DAZL: variants seen among roughly 807,000 people sequenced by gnomAD.
The protein encoded by DAZL is deleted in azoospermia like.
DAZL carries 4 observed loss-of-function variants against 45.0 expected under a neutral mutation model. The observed-to-expected ratio is 0.09, with a 90% confidence interval of 0.04 to 0.20. The LOEUF is 0.20. Ranked by LOEUF, DAZL falls within the 10% of genes least tolerant of loss-of-function variation. The pLI is 1.00. For missense variants in DAZL, 326 were observed against 351.3 expected (o/e 0.93, Z 0.58); for synonymous variants, 122 against 112.4 (o/e 1.09, Z -0.54).
intron 7 of DAZL, among the ~76,000 whole-genome samples, chr3:16,595,080 C>T (rs1694578149): frequency 6.6e-6 from 1 of 152,058 alleles, no homozygotes; most frequent in South Asian, 2.1e-4. Flanking sequence ...GAAGGGGACA[C>T]CGAATCTCAT....
chr3:16,602,024 G>A (rs574366095), intron 1 of DAZL, among the ~76,000 whole-genome samples: 1 of 152,082 alleles, frequency 6.6e-6, no homozygotes, highest in South Asian at 2.1e-4. Flanking sequence ...ACACCAATAG[G>A]AAGGAACGAA....
At chr3:16,603,970 A>G (rs1369783730) in intron 1 of DAZL, among the ~76,000 whole-genome samples, 3 of 152,204 alleles carry the variant, frequency 2.0e-5, no homozygotes, top group Non-Finnish European at 4.4e-5. Flanking sequence ...TGATACTTTT[A>G]TAATCAGAAA....
intron 1 of DAZL, chr3:16,604,832 G>C (rs943538139): frequency 1.1e-6 from 1 of 924,204 alleles, no homozygotes; most frequent in Non-Finnish European, 1.5e-6. Context: ...GCGCGTGGGA[G>C]TGGGGGCGGG....
chr3:16,604,578 A>G, intron 1 of DAZL: 1 of 1,420,214 alleles, frequency 7.0e-7, no homozygotes, highest in Non-Finnish European at 9.1e-7. Context: ...CTACAGGGCC[A>G]TGCCTTCAGG....
At chr3:16,602,544 C>A (rs576927163) in intron 1 of DAZL, among the ~76,000 whole-genome samples, 2 of 152,292 alleles carry the variant, frequency 1.3e-5, no homozygotes, top group East Asian at 3.9e-4. Context: ...TTTCTCAACG[C>A]ATTTTACAAA....
At chr3:16,595,206 G>C in intron 7 of DAZL, 108 bp downstream of exon 7, 1 of 605,222 alleles carries the variant, frequency 1.7e-6, no homozygotes, top group East Asian at 2.9e-5. Flanking sequence ...TAAATTTTAG[G>C]TACATTTCAC....
intron 10 of DAZL, among the ~76,000 whole-genome samples, chr3:16,590,060 G>A (rs1472408565): frequency 6.6e-6 from 1 of 152,112 alleles, no homozygotes; most frequent in Non-Finnish European, 1.5e-5. Context: ...GTGACTAAAT[G>A]AGGTCACCTC....
At chr3:16,594,607 C>G in intron 7 of DAZL, 24 bp from the exon 8 acceptor site, 1 of 1,489,528 alleles carries the variant, frequency 6.7e-7, no homozygotes, top group Non-Finnish European at 9.1e-7. Context: ...AAAAGGAAAC[C>G]AAAATTATTC....
chr3:16,602,151 AAAC>A (rs1381367450), intron 1 of DAZL, among the ~76,000 whole-genome samples: 1 of 152,186 alleles, frequency 6.6e-6, no homozygotes, highest in African/African-American at 2.4e-5. Flanking sequence ...TTCAAGCAAT[AAAC>A]AATCCTGGCA....
intron 1 of DAZL, among the ~76,000 whole-genome samples, chr3:16,603,180 T>C (rs1220845287): frequency 6.6e-6 from 1 of 152,180 alleles, no homozygotes. Context: ...AAAAGATGTA[T>C]CATAATTTGA....
In DAZL at chr3:16,599,182, C is replaced by T. The variant is rs565774329; in HGVS notation, c.4-584G>A. On this transcript the variant is annotated intron_variant, in intron 1 of 10. Transcript: ENST00000399444. ...ATTTGTGAAAATACTATGTGAATTACTTAAAAAAAAAACAAACCCAAAATT... is the reference window on the plus strand; with the variant it reads ...ATTTGTGAAAATACTATGTGAATTATTTAAAAAAAAAACAAACCCAAAATT... 5.4e-5 allele frequency among the ~76,000 whole-genome samples: 8 copies of T among 146,990 alleles called. No individual in the cohort carries two copies. The South Asian group carries it at 1.1e-3, about 20-fold the overall frequency.
In DAZL at chr3:16,592,108, A is replaced by G; in HGVS notation, c.776T>C (p.Leu259Pro). Reference sequence around the variant, plus strand: ...TCTCAGTCTGTTCTCTGGATTAAACAGACAAGATACCACCGTTTGTATGCT... The same window carrying G: ...TCTCAGTCTGTTCTCTGGATTAAACGGACAAGATACCACCGTTTGTATGCT... The part of the protein sequence containing the change: ...DRSIQTVVSC[L>P]FNPENRLRNS... Residue 259 changes from leucine (L) to proline (P), a missense_variant, in exon 10 of 11, where the codon CTG (leucine) becomes CCG (proline). Physicochemically the swap from Leu to Pro is moderately conservative, Grantham distance 98. This residue lies in a region of DAZL where 227 missense variants were observed against 216.6 expected (regional missense o/e 1.05). Transcript: ENST00000399444. 6.2e-7 allele frequency: 1 copy of G among 1,613,878 alleles called. No individual in the cohort carries two copies.
chr3:16,601,644 G>A (rs1263483769), intron 1 of DAZL, among the ~76,000 whole-genome samples: 2 of 152,258 alleles, frequency 1.3e-5, no homozygotes, highest in Admixed American at 6.5e-5. Context: ...TTTAAAGAAA[G>A]TACCATCGTA....
At chr3:16,595,073 G>A (rs1333112623) in intron 7 of DAZL, among the ~76,000 whole-genome samples, 1 of 152,040 alleles carries the variant, frequency 6.6e-6, no homozygotes. Context: ...AAATACAGAA[G>A]GGGACACCGA....
Position 16,593,672 on chromosome 3 carries a change from C to G in DAZL, c.718G>C (p.Gly240Arg). The G allele has an allele frequency of 1.2e-6, 2 of 1,609,096 alleles. No individual in the cohort carries two copies. The highest frequency in any genetic ancestry group is 1.1e-5 in the South Asian group (1 of 90,140). Residue 240 changes from glycine to arginine, a missense_variant, in exon 9 of 11, where the codon GGA becomes CGA. Around this residue, in one of 3 missense-constraint regions of DAZL, gnomAD observed 227 missense variants for 216.6 expected, o/e 1.05. Coordinates refer to ENST00000399444, the MANE Select transcript of DAZL (RefSeq NM_001351.4). Reference protein sequence around the residue: ...CSVHEATPPSGNGPQKKSVDR... With the variant: ...CSVHEATPPSRNGPQKKSVDR... ...ATGTTTGCCTTTTGTGGGCCATTTCCAGAGGGTGGAGTAGCTTCATGAACT... is the reference window on the plus strand; with the variant it reads ...ATGTTTGCCTTTTGTGGGCCATTTCGAGAGGGTGGAGTAGCTTCATGAACT...
Position 16,587,931 on chromosome 3 carries a change from G to C in DAZL, c.*729C>G, listed in dbSNP as rs917946950. 2 of 155,250 alleles carry C rather than the reference G, an allele frequency of 1.3e-5. No homozygotes were observed. Among genetic ancestry groups the C allele is most frequent in the African/African-American group, 4.8e-5 (2 of 41,504 alleles). 9.6% of individuals were successfully genotyped at this position (155,250 alleles called of 1,614,324 possible). ...CAAAAAAGAAGAATGGTGACTCATTGAGAAGCTTATGTACCTAGTAAAGTT... is the reference window on the plus strand; with the variant it reads ...CAAAAAAGAAGAATGGTGACTCATTCAGAAGCTTATGTACCTAGTAAAGTT... On this transcript the variant is annotated 3_prime_UTR_variant, in exon 11 of 11. Coordinates refer to ENST00000399444, the MANE Select transcript of DAZL (RefSeq NM_001351.4).
intron 1 of DAZL, chr3:16,604,925 G>T: frequency 3.0e-6 from 2 of 673,480 alleles, no homozygotes; most frequent in Non-Finnish European, 5.0e-6. Flanking sequence ...GCCTCAAGAA[G>T]GCCGTGGCCC....
chr3:16,590,881 ACTG>A (rs1694508150), intron 10 of DAZL, among the ~76,000 whole-genome samples: 2 of 150,560 alleles, frequency 1.3e-5, no homozygotes, highest in Non-Finnish European at 3.0e-5. Flanking sequence ...ATAGCAGGTG[ACTG>A]CTAAGGTAGG....
chr3:16,604,602 C>A, intron 1 of DAZL: 1 of 1,386,108 alleles, frequency 7.2e-7, no homozygotes. Flanking sequence ...CCCCACACCC[C>A]ACGCTGAGGC....
Sources: allele counts gnomAD v4.1 joint callset (sites outside exome capture counted in the v4.1 genomes callset), GRCh38; gene constraint gnomAD v4.1.1; regional missense constraint gnomAD v4.1.1; transcripts MANE v1.5; gene names NCBI Gene and HGNC (gene_info 2026-07-23, HGNC 2026-07-21).